Variants in EXOC5 observed in about 807,000 individuals in gnomAD.
EXOC5 encodes SEC10-like 1.
In EXOC5, 17 loss-of-function variants were observed where a neutral mutation model predicts 90.8. The observed-to-expected ratio is 0.19, with a 90% confidence interval of 0.13 to 0.28. The LOEUF is 0.28. Among genes scored for constraint, EXOC5 ranks in the 10% least tolerant of loss-of-function variants. EXOC5 has a pLI of 1.00. For missense variants in EXOC5, 569 were observed against 830.6 expected (o/e 0.69, Z 3.87); for synonymous variants, 260 against 270.0 (o/e 0.96, Z 0.36).
intron 17 of EXOC5, among the ~76,000 whole-genome samples, chr14:57,209,278 G>T (rs1882754485): frequency 1.3e-5 from 2 of 151,864 alleles, no homozygotes; most frequent in Non-Finnish European, 2.9e-5. Context: ...TGTAAACCCA[G>T]CACTTTGGGA....
rs1882482826 is a variant in EXOC5 at position 57,201,036 on chromosome 14, CGTGAGTGT to C, written c.*7565_*7572del. The C allele has an allele frequency of 6.6e-6, 1 of 151,862 alleles. No individual in the cohort carries two copies. The highest frequency in any genetic ancestry group is 2.4e-5 in the African/African-American group (1 of 41,304). 9.4% of individuals were successfully genotyped at this position (151,862 alleles called of 1,614,324 possible). A position where few individuals can be genotyped will look rare whatever the true frequency, so the allele number is the denominator to read the frequency against. On this transcript the variant is annotated 3_prime_UTR_variant, in exon 18 of 18. Coordinates refer to ENST00000621441, the MANE Select transcript of EXOC5 (RefSeq NM_006544.4). The stretch of plus-strand genomic sequence containing the variant: ...GGTGTGGGTGTATATTTAAAATATG[CGTGAGTGT>C]GTGTGTGTGTATGCACACATAAAGC...
chr14:57,229,864 T>C lies in EXOC5; in HGVS notation c.1166A>G (p.Glu389Gly). The change falls in exon 12 of 18, where the codon GAA (glutamate) becomes GGA (glycine). Residue 389 changes from glutamate (E) to glycine (G), a missense_variant. By Grantham distance (98) the Glu-to-Gly change is moderately conservative. Around this residue, in one of 9 missense-constraint regions of EXOC5, gnomAD observed 69 missense variants for 115.5 expected, o/e 0.60. Coordinates refer to ENST00000621441, the MANE Select transcript of EXOC5 (RefSeq NM_006544.4). ...TAAGTTGGTACGCTGTCTAATTCTT[T>C]CCTTCAAATCTTGAATACTAGTACA... ...IGTGGIQDLKERIRQRTNLPL... is the reference protein window; with the variant it reads ...IGTGGIQDLKGRIRQRTNLPL... The C allele has an allele frequency of 6.8e-7, 1 of 1,475,088 alleles. No individual in the cohort carries two copies. Among genetic ancestry groups the C allele is most frequent in the East Asian group, 2.5e-5 (1 of 40,024 alleles). 91.4% of individuals were successfully genotyped at this position (1,475,088 alleles called of 1,614,324 possible).
At chr14:57,211,886 C>T (rs1310396818) in intron 15 of EXOC5, among the ~76,000 whole-genome samples, 1 of 152,132 alleles carries the variant, frequency 6.6e-6, no homozygotes, top group African/African-American at 2.4e-5. Context: ...TGTTCTGAGA[C>T]AGGGTCTCAC....
At chr14:57,209,805 A>G in intron 16 of EXOC5, 23 bp from the exon 17 acceptor site, 1 of 1,498,944 alleles carries the variant, frequency 6.7e-7, no homozygotes, top group Non-Finnish European at 9.2e-7. Context: ...TTCTACACTC[A>G]TTACACAGGA....
intron 14 of EXOC5, 45 bp from the exon 15 acceptor site, chr14:57,218,113 A>G: frequency 1.0e-6 from 1 of 987,970 alleles, no homozygotes; most frequent in Non-Finnish European, 1.6e-6. Flanking sequence ...TAATAGTCTA[A>G]TATTTTCTAA....
chr14:57,239,289 A>G (rs1010851031), intron 5 of EXOC5, among the ~76,000 whole-genome samples: 2 of 152,184 alleles, frequency 1.3e-5, no homozygotes, highest in Non-Finnish European at 2.9e-5. Context: ...AAGTATGAAA[A>G]TCCAAATTTA....
At chr14:57,231,244 G>C (rs79066091) in intron 11 of EXOC5, among the ~76,000 whole-genome samples, 17 of 151,996 alleles carry the variant, frequency 1.1e-4, no homozygotes, top group African/African-American at 4.1e-4. Flanking sequence ...CCAGACCTCA[G>C]GTGATCAGCC....
At chr14:57,266,824 T>C (rs1884683977) in intron 1 of EXOC5, among the ~76,000 whole-genome samples, 1 of 149,516 alleles carries the variant, frequency 6.7e-6, no homozygotes, top group African/African-American at 2.5e-5. Context: ...CCCCACCTCC[T>C]CCCCTTCCCC....
intron 12 of EXOC5, among the ~76,000 whole-genome samples, chr14:57,229,177 C>A (rs1185034683): frequency 6.6e-6 from 1 of 152,036 alleles, no homozygotes; most frequent in Non-Finnish European, 1.5e-5. Context: ...TTGATCTGCT[C>A]AACTTTAATT....
intron 12 of EXOC5, among the ~76,000 whole-genome samples, 158 bp downstream of exon 12, chr14:57,229,576 T>C (rs1275369092): frequency 1.3e-5 from 2 of 152,196 alleles, no homozygotes; most frequent in African/African-American, 2.4e-5. Context: ...AATTAAAGTA[T>C]AAATGAGGAT....
chr14:57,202,106 T>C lies in EXOC5; in HGVS notation c.*6503A>G, dbSNP rs1882525980. ...ATAACACAGAGTTGCATCCGTGGTA[T>C]GTCTGCCAAAAAGCACAAACAGAAT... On this transcript the variant is annotated 3_prime_UTR_variant, in exon 18 of 18. Coordinates refer to ENST00000621441, the MANE Select transcript of EXOC5 (RefSeq NM_006544.4). 1 of 152,150 alleles carries C rather than the reference T, an allele frequency of 6.6e-6. No individual in the cohort carries two copies. The highest frequency in any genetic ancestry group is 6.5e-5 in the Admixed American group (1 of 15,280). 9.4% of individuals were successfully genotyped at this position (152,150 alleles called of 1,614,324 possible).
At chr14:57,211,786 T>C (rs919378470) in intron 15 of EXOC5, 3 of 151,618 alleles carry the variant, frequency 2.0e-5, no homozygotes, top group Middle Eastern at 3.4e-3. Flanking sequence ...GGCAGAAGAA[T>C]TGCTTGACCC....
chr14:57,229,625 G>T (rs1883416184), intron 12 of EXOC5, 109 bp downstream of exon 12: 1 of 591,586 alleles, frequency 1.7e-6, no homozygotes, highest in Non-Finnish European at 2.7e-6. Flanking sequence ...ACTTTATATA[G>T]CAGACTTGAG....
chr14:57,209,681 T>C lies in EXOC5; in HGVS notation c.1824A>G (p.Val608=). 6.2e-7 allele frequency: 1 copy of C among 1,612,396 alleles called. No individual in the cohort carries two copies. Among genetic ancestry groups the C allele is most frequent in the Non-Finnish European group, 8.5e-7 (1 of 1,178,682 alleles). The stretch of plus-strand genomic sequence containing the variant: ...GCTCATAGATAAGTCGATGAAAACG[T>C]ACTCCAAGTTCCATCAAAACTGTAT... ...NVDTVLMELG[V]RFHRLIYEHL... Residue 608 remains valine (V), a synonymous_variant, in exon 17 of 18, where the codon GTA becomes GTG. Coordinates refer to ENST00000621441, the MANE Select transcript of EXOC5 (RefSeq NM_006544.4).
At chr14:57,254,111 T>C (rs553812556) in intron 1 of EXOC5, among the ~76,000 whole-genome samples, 1 of 152,216 alleles carries the variant, frequency 6.6e-6, no homozygotes, top group Admixed American at 6.5e-5. Context: ...TCTCCAAAGA[T>C]ATATAAATGG....
At chr14:57,230,129 A>T (rs967944451) in intron 11 of EXOC5, among the ~76,000 whole-genome samples, 27 of 152,168 alleles carry the variant, frequency 1.8e-4, no homozygotes, top group African/African-American at 6.3e-4. Flanking sequence ...CAGCCTTACA[A>T]TTCTGACTCA....
rs1263007434 is a variant in EXOC5, at chr14:57,222,431, T to A, written c.1297-15A>T. ...GGATCAGAGAGCTTAAAAACAAAAA[T>A]CAAACAATATCACTCCTCAAGTCTA... On this transcript the variant is annotated splice_polypyrimidine_tract_variant and intron_variant, in intron 12 of 17. Transcript: ENST00000621441. The A allele has an allele frequency of 5.7e-6, 8 of 1,410,928 alleles. No individual in the cohort carries two copies. Among genetic ancestry groups the A allele is most frequent in the African/African-American group, 4.3e-5 (3 of 70,100 alleles). The allele number at this position is 1,410,928 out of a possible 1,614,324, so 87.4% of individuals were successfully genotyped here. A position where few individuals can be genotyped will look rare whatever the true frequency, so the allele number is the denominator to read the frequency against.
At chr14:57,222,709 T>C (rs1883183893) in intron 12 of EXOC5, among the ~76,000 whole-genome samples, 1 of 150,900 alleles carries the variant, frequency 6.6e-6, no homozygotes, top group Admixed American at 6.6e-5. Flanking sequence ...TATATATATA[T>C]ATATACCCCC....
chr14:57,254,952 A>G (rs1884306013), intron 1 of EXOC5, among the ~76,000 whole-genome samples: 1 of 152,186 alleles, frequency 6.6e-6, no homozygotes, highest in African/African-American at 2.4e-5. Flanking sequence ...GAATTTTGTT[A>G]TGGAAGCCTG....
Sources: allele counts gnomAD v4.1 joint callset (sites outside exome capture counted in the v4.1 genomes callset), GRCh38; gene constraint gnomAD v4.1.1; regional missense constraint gnomAD v4.1.1; transcripts MANE v1.5; gene names NCBI Gene and HGNC (gene_info 2026-07-23, HGNC 2026-07-21).